The following ATL1 variants were observed in gnomAD, a reference collection of about 807,000 sequenced individuals.
ATL1 encodes atlastin-1.
ATL1 carries 31 observed loss-of-function variants against 75.5 expected under a neutral mutation model. The ratio of observed to expected loss-of-function variants is 0.41; its 90% CI spans 0.31 to 0.55. ATL1 has a LOEUF of 0.55. ATL1 is among the 20% of genes least tolerant of loss of function. The probability of loss-of-function intolerance (pLI) is 0.27; values close to 1 mark genes in which losing one functional copy is unlikely to be tolerated. For synonymous variants in ATL1, 226 were observed against 233.3 expected, an observed-to-expected ratio of 0.97 and a Z score of 0.28; for missense variants, 405 against 662.6, an observed-to-expected ratio of 0.61 and a Z score of 4.27.
intron 1 of ATL1, among the ~76,000 whole-genome samples, chr14:50,577,472 T>C (rs1457273379): frequency 6.6e-6 from 1 of 152,248 alleles, no homozygotes; most frequent in Non-Finnish European, 1.5e-5. Flanking sequence ...TTTTTCTAAA[T>C]AGTTTTTTAA....
chr14:50,612,476 T>G (rs908290136), intron 6 of ATL1, among the ~76,000 whole-genome samples: 12 of 152,196 alleles, frequency 7.9e-5, no homozygotes, highest in Admixed American at 3.3e-4. Flanking sequence ...TTGTTCTTAA[T>G]TTCAAGTGAA....
intron 8 of ATL1, among the ~76,000 whole-genome samples, chr14:50,619,575 T>C (rs1369781789): frequency 2.0e-5 from 3 of 152,250 alleles, no homozygotes; most frequent in Admixed American, 2.0e-4. Flanking sequence ...TCTCGTGATC[T>C]GTTTTCTATA....
chr14:50,621,163 T>C (rs1043389771), intron 9 of ATL1, among the ~76,000 whole-genome samples: 14 of 152,212 alleles, frequency 9.2e-5, no homozygotes, highest in African/African-American at 3.4e-4. Flanking sequence ...TGAAGTGGAA[T>C]TATTTTAAAT....
intron 1 of ATL1, 91 bp from the exon 2 acceptor site, chr14:50,587,740 C>A: frequency 6.5e-7 from 1 of 1,537,846 alleles, no homozygotes; most frequent in Non-Finnish European, 9.0e-7. Flanking sequence ...CAGTATGCTC[C>A]TGTGTCGGAT....
intron 1 of ATL1, among the ~76,000 whole-genome samples, chr14:50,580,433 CTA>C (rs2039044919): frequency 6.6e-6 from 1 of 152,010 alleles, no homozygotes; most frequent in African/African-American, 2.4e-5. Flanking sequence ...TCAGGAATGA[CTA>C]TTACATTTTC....
chr14:50,597,176 T>G (rs1206156463), intron 6 of ATL1, among the ~76,000 whole-genome samples: 1 of 131,942 alleles, frequency 7.6e-6, no homozygotes, highest in Non-Finnish European at 1.5e-5. Context: ...ACCATTGCAC[T>G]CTAGCCTGGG....
intron 1 of ATL1, among the ~76,000 whole-genome samples, chr14:50,563,548 T>A (rs1391535529): frequency 6.6e-6 from 1 of 152,174 alleles, no homozygotes; most frequent in African/African-American, 2.4e-5. Flanking sequence ...TACAGTGATT[T>A]CCAAGAAAAG....
intron 1 of ATL1, 31 bp downstream of exon 1, chr14:50,560,330 G>T: frequency 2.5e-6 from 4 of 1,612,080 alleles, no homozygotes; most frequent in Non-Finnish European, 3.4e-6. Context: ...TCTGCAGCCT[G>T]CACGGGGTCT....
rs2039381730 is a variant in ATL1 at position 50,613,151 on chromosome 14, T to C, written c.631-108T>C. The C allele has an allele frequency of 3.5e-6, 3 of 865,998 alleles. No individual in the cohort carries two copies. In the South Asian group the frequency reaches 4.2e-5, roughly 12 times the overall value. The allele number at this position is 865,998 out of a possible 1,614,324, so 53.6% of individuals were successfully genotyped here. ...ATGTTTGATTTTTAATTCAGCAATG[T>C]GGGAAAGAACGATATTCAAATGACA... is the stretch of plus-strand genomic sequence containing the variant. On this transcript the variant is annotated intron_variant, in intron 6 of 13. Coordinates refer to ENST00000358385, the MANE Select transcript of ATL1 (RefSeq NM_015915.5).
chr14:50,631,257 C>T (rs114562605), intron 13 of ATL1, among the ~76,000 whole-genome samples: 1,590 of 144,064 alleles, frequency 0.011, 23 homozygotes, highest in African/African-American at 0.041. Flanking sequence ...GAGATTCCAA[C>T]TCAAAAAGTA....
chr14:50,621,062 C>T (rs2039462984), intron 9 of ATL1, among the ~76,000 whole-genome samples: 1 of 152,058 alleles, frequency 6.6e-6, no homozygotes, highest in African/African-American at 2.4e-5. Flanking sequence ...TGAATTTTAC[C>T]TTCATAATTC....
chr14:50,568,416 A>T (rs1244448253), intron 1 of ATL1, among the ~76,000 whole-genome samples: 2 of 152,302 alleles, frequency 1.3e-5, no homozygotes, highest in East Asian at 1.9e-4. Flanking sequence ...CTAAAAAAAA[A>T]ACCAGTTCTT....
intron 1 of ATL1, among the ~76,000 whole-genome samples, chr14:50,534,096 C>T (rs560841388): frequency 9.9e-5 from 15 of 152,186 alleles, no homozygotes; most frequent in Non-Finnish European, 1.8e-4. Context: ...TATCTTAGCA[C>T]TTGTTTACTG....
At chr14:50,608,097 C>T (rs1388690766) in intron 6 of ATL1, among the ~76,000 whole-genome samples, 1 of 152,090 alleles carries the variant, frequency 6.6e-6, no homozygotes, top group Non-Finnish European at 1.5e-5. Flanking sequence ...GACCCAGTTG[C>T]CTGGCTGAAT....
intron 6 of ATL1, among the ~76,000 whole-genome samples, chr14:50,612,819 C>T (rs1015752772): frequency 2.0e-5 from 3 of 151,826 alleles, no homozygotes; most frequent in African/African-American, 4.8e-5. Context: ...TTTTATGATG[C>T]GCATACATAC....
At chr14:50,629,952 A>G in intron 12 of ATL1, 43 bp from the exon 13 acceptor site, 1 of 1,491,782 alleles carries the variant, frequency 6.7e-7, no homozygotes, top group Non-Finnish European at 9.2e-7. Flanking sequence ...ATAAAGCAGG[A>G]TATATACTTT....
intron 1 of ATL1, among the ~76,000 whole-genome samples, chr14:50,545,008 G>A (rs546137160): frequency 3.3e-5 from 5 of 151,662 alleles, no homozygotes; most frequent in Non-Finnish European, 7.4e-5. Flanking sequence ...TTACTGAAGG[G>A]TGTGTGTCCA....
chr14:50,571,237 A>G (rs779874927), intron 1 of ATL1, among the ~76,000 whole-genome samples: 2 of 152,152 alleles, frequency 1.3e-5, no homozygotes, highest in African/African-American at 2.4e-5. Flanking sequence ...CAAATTTTGG[A>G]GGACAGGGGT....
At chr14:50,575,998 G>A (rs1375364777) in intron 1 of ATL1, among the ~76,000 whole-genome samples, 2 of 152,088 alleles carry the variant, frequency 1.3e-5, no homozygotes, top group Non-Finnish European at 2.9e-5. Flanking sequence ...ATGATATACA[G>A]ACTATCCTCA....
Sources: allele counts gnomAD v4.1 joint callset (sites outside exome capture counted in the v4.1 genomes callset), GRCh38; gene constraint gnomAD v4.1.1; transcripts MANE v1.5; gene names NCBI Gene and HGNC (gene_info 2026-07-23, HGNC 2026-07-21).